REG1A: variants seen among roughly 807,000 people sequenced by gnomAD.
The protein encoded by REG1A is regenerating family member 1 alpha, also known as lithostathine-1-alpha.
REG1A carries 20 observed loss-of-function variants against 20.7 expected under a neutral mutation model. The ratio of observed to expected loss-of-function variants is 0.97; its 90% confidence interval spans 0.68 to 1.41. The LOEUF (loss-of-function observed/expected upper bound fraction) is 1.41. REG1A is among the 40% of genes most tolerant of loss of function. The probability of loss-of-function intolerance (pLI) is 0.00; values close to 1 mark genes in which losing one functional copy is unlikely to be tolerated. For missense variants in REG1A, 193 were observed against 201.8 expected, an observed-to-expected ratio of 0.96 and a Z score of 0.26; for synonymous variants, 90 against 71.6, an observed-to-expected ratio of 1.26 and a Z score of -1.30.
chr2:79,120,859 A>T lies in REG1A; in HGVS notation c.-3A>T. 6.2e-7 allele frequency: 1 copy of T among 1,607,260 alleles called. No individual in the cohort carries two copies. The highest frequency in any genetic ancestry group is 8.5e-7 in the Non-Finnish European group (1 of 1,175,462). ...TTAAGCAAGAGATTCATTGCAGCTC[A>T]GCATGGCTCAGACCAGCTCATACTT... On this transcript the variant is annotated 5_prime_UTR_variant, in exon 2 of 6. Coordinates refer to ENST00000233735, the MANE Select transcript of REG1A (RefSeq NM_002909.5).
chr2:79,123,355 T>C lies in REG1A; in HGVS notation c.*140T>C. 1 of 569,802 alleles carries C rather than the reference T, an allele frequency of 1.8e-6. No individual in the cohort carries two copies. The highest frequency in any genetic ancestry group is 3.2e-6 in the Non-Finnish European group (1 of 315,954). 35.3% of individuals were successfully genotyped at this position (569,802 alleles called of 1,614,324 possible). ...TTTGCCTTGTTAATCTTCAATAGTTTTACCTACCCCAGTCTTTGGAACCCT... is the reference window on the plus strand; with the variant it reads ...TTTGCCTTGTTAATCTTCAATAGTTCTACCTACCCCAGTCTTTGGAACCCT... On this transcript the variant is annotated 3_prime_UTR_variant, in exon 6 of 6. Coordinates refer to ENST00000233735, the MANE Select transcript of REG1A (RefSeq NM_002909.5).
At chr2:79,120,756 A>C (rs542457532) in intron 1 of REG1A, 60 bp from the exon 2 acceptor site, 29 of 770,348 alleles carry the variant, frequency 3.8e-5, no homozygotes, top group Non-Finnish European at 5.7e-5. Context: ...GGTTTTAAGG[A>C]AGGTAATAGG....
chr2:79,122,580 C>CA (rs200561351), intron 4 of REG1A, among the ~76,000 whole-genome samples: 1 of 151,692 alleles, frequency 6.6e-6, no homozygotes. Flanking sequence ...GCCACAAAGA[C>CA]AAAAAATCAG....
At chr2:79,122,533 T>A (rs1175897114) in intron 4 of REG1A, among the ~76,000 whole-genome samples, 1 of 152,004 alleles carries the variant, frequency 6.6e-6, no homozygotes, top group Non-Finnish European at 1.5e-5. Flanking sequence ...CAACAACTAA[T>A]GGTCAGCCAA....
At chr2:79,121,731 C>A (rs747506793) in intron 3 of REG1A, 51 bp downstream of exon 3, 7 of 1,536,360 alleles carry the variant, frequency 4.6e-6, no homozygotes, top group Non-Finnish European at 4.5e-6. Context: ...GGAGGGGAAG[C>A]TGCCACTCTC....
intron 4 of REG1A, among the ~76,000 whole-genome samples, 180 bp from the exon 5 acceptor site, chr2:79,122,661 G>A (rs765993780): frequency 4.6e-4 from 70 of 152,184 alleles, no homozygotes; most frequent in Non-Finnish European, 9.1e-4. Context: ...GTGGAATACA[G>A]TTAATGAGTT....
intron 1 of REG1A, 126 bp from the exon 2 acceptor site, chr2:79,120,690 A>C (rs34760599): frequency 0.053 from 24,478 of 464,674 alleles, 831 homozygotes; most frequent in African/African-American, 0.11. Flanking sequence ...CAAGAGAAAC[A>C]TTTGAAGGTG....
intron 3 of REG1A, 113 bp from the exon 4 acceptor site, chr2:79,121,875 C>A: frequency 6.9e-7 from 1 of 1,445,414 alleles, no homozygotes; most frequent in South Asian, 1.2e-5. Context: ...TCAGTGACAG[C>A]ATCATCACGG....
At chr2:79,122,603 A>G (rs1466178213) in intron 4 of REG1A, among the ~76,000 whole-genome samples, 1 of 152,192 alleles carries the variant, frequency 6.6e-6, no homozygotes, top group Non-Finnish European at 1.5e-5. Context: ...ACCACTTTTT[A>G]AGTGAGATAC....
At chr2:79,122,192 G>C (rs949428058) in intron 4 of REG1A, 67 bp downstream of exon 4, 2 of 1,536,546 alleles carry the variant, frequency 1.3e-6, no homozygotes, top group Non-Finnish European at 1.8e-6. Flanking sequence ...TTCAAGTTCT[G>C]GTCTCTTAAG....
At chr2:79,121,497 C>G in intron 2 of REG1A, 65 bp from the exon 3 acceptor site, 1 of 1,317,528 alleles carries the variant, frequency 7.6e-7, no homozygotes. Flanking sequence ...CTCAGAAGCT[C>G]TTACCTCACC....
At chr2:79,122,185 A>C (rs1672897364) in intron 4 of REG1A, 60 bp downstream of exon 4, 2 of 1,569,012 alleles carry the variant, frequency 1.3e-6, no homozygotes, top group Admixed American at 1.8e-5. Flanking sequence ...AAGGAGGTTC[A>C]AGTTCTGGTC....
Position 79,122,074 on chromosome 2 carries a change from G to A in REG1A, c.270G>A (p.Glu90=), listed in dbSNP as rs768126218. Residue 90 remains glutamate, a synonymous_variant, in exon 4 of 6, where the codon GAG becomes GAA. Coordinates refer to ENST00000233735, the MANE Select transcript of REG1A (RefSeq NM_002909.5). The stretch of plus-strand genomic sequence containing the variant: ...CCTTTGTGGCCTCACTGATTAAGGA[G>A]AGTGGCACTGATGACTTCAATGTCT... ...EGAFVASLIK[E]SGTDDFNVWI... 3.1e-6 allele frequency: 5 copies of A among 1,614,120 alleles called. No homozygotes were observed. The highest frequency in any genetic ancestry group is 2.2e-5 in the East Asian group (1 of 44,878).
In REG1A at chr2:79,120,869, A is replaced by G; in HGVS notation, c.8A>G (p.Gln3Arg). MA[Q>R]TSSYFMLISC... ...GATTCATTGCAGCTCAGCATGGCTC[A>G]GACCAGCTCATACTTCATGCTGATC... Residue 3 changes from glutamine to arginine, a missense_variant, in exon 2 of 6, where the codon CAG becomes CGG. Coordinates refer to ENST00000233735, the MANE Select transcript of REG1A (RefSeq NM_002909.5). 1 of 1,612,554 alleles carries G rather than the reference A, an allele frequency of 6.2e-7. No homozygotes were observed. The highest frequency in any genetic ancestry group is 8.5e-7 in the Non-Finnish European group (1 of 1,179,004).
chr2:79,121,837 C>T, intron 3 of REG1A, 151 bp from the exon 4 acceptor site: 2 of 1,345,780 alleles, frequency 1.5e-6, no homozygotes, highest in South Asian at 2.4e-5. Flanking sequence ...CATTATTCAG[C>T]ACATTCCCAG....
At chr2:79,123,008 G>T (rs1411333425) in intron 5 of REG1A, 56 bp downstream of exon 5, 26 of 1,510,832 alleles carry the variant, frequency 1.7e-5, no homozygotes, top group Non-Finnish European at 2.4e-5. Context: ...TAGCTCCAGG[G>T]ATGGAACTGG....
At position 79,121,594 on chromosome 2, in the gene REG1A, C is replaced by T. The variant is rs753598455; in HGVS notation, c.97C>T (p.Arg33Trp). ...QEAQTELPQA[R>W]ISCPEGTNAY... ...GGCCCAGACAGAGTTGCCCCAGGCC[C>T]GGATCAGCTGCCCAGAAGGCACCAA... Residue 33 changes from arginine to tryptophan, a missense_variant, in exon 3 of 6, where the codon CGG becomes TGG. By Grantham distance (101) the Arg-to-Trp change is moderately radical (BLOSUM62 -3). Transcript: ENST00000233735. 20 of 1,613,958 alleles carry T rather than the reference C, an allele frequency of 1.2e-5. No homozygotes were observed. Among genetic ancestry groups the T allele is most frequent in the South Asian group, 2.2e-5 (2 of 91,090 alleles).
At chr2:79,122,260 T>C in intron 4 of REG1A, 135 bp downstream of exon 4, 1 of 860,112 alleles carries the variant, frequency 1.2e-6, no homozygotes, top group Non-Finnish European at 1.8e-6. Context: ...TAATGTCCTG[T>C]GTAGCAAGGT....
Position 79,122,772 on chromosome 2 carries a change from C to G in REG1A, c.322-69C>G, listed in dbSNP as rs899350221. 17 of 1,008,634 alleles carry G rather than the reference C, an allele frequency of 1.7e-5. No individual in the cohort carries two copies. The African/African-American group carries it at 2.7e-4, about 16-fold the overall frequency. The allele number at this position is 1,008,634 out of a possible 1,614,324, so 62.5% of individuals were successfully genotyped here. A position where few individuals can be genotyped will look rare whatever the true frequency, so the allele number is the denominator to read the frequency against. ...GTGTCTTAGCATGTTTCTGAGTGTGCACACAGGCCCAGTGATTCCATGTAT... is the reference window on the plus strand; with the variant it reads ...GTGTCTTAGCATGTTTCTGAGTGTGGACACAGGCCCAGTGATTCCATGTAT... On this transcript the variant is annotated intron_variant, in intron 4 of 5. Coordinates refer to ENST00000233735, the MANE Select transcript of REG1A (RefSeq NM_002909.5).
Sources: gnomAD v4.1 joint callset for allele counts (sites outside exome capture counted in the v4.1 genomes callset) on GRCh38, gnomAD v4.1.1 for gene constraint, MANE v1.5 for transcripts, NCBI Gene and HGNC (gene_info 2026-07-23, HGNC 2026-07-21) for gene names.